The following ZFHX3 variants were observed in gnomAD, a reference collection of about 807,000 sequenced individuals.
ZFHX3 encodes zinc finger homeobox 3.
ZFHX3 carries 42 observed loss-of-function variants against 279.1 expected under a neutral mutation model. The ratio of observed to expected loss-of-function variants is 0.15; its 90% CI spans 0.12 to 0.19. The LOEUF (loss-of-function observed/expected upper bound fraction) is 0.19, where lower values mean the gene tolerates loss of function less well. Ranked by LOEUF, ZFHX3 falls within the 10% of genes least tolerant of loss-of-function variation. The pLI is 1.00. For synonymous variants in ZFHX3, 2,293 were observed against 1,957.8 expected (o/e 1.17, Z -4.52); for missense variants, 4,981 against 4,754.0 (o/e 1.05, Z -1.40).
chr16:73,241,790 CAAAAA>C (rs60214410), intron 5 of ZFHX3, among the ~76,000 whole-genome samples: 1 of 51,286 alleles, frequency 1.9e-5, no homozygotes, highest in Non-Finnish European at 3.4e-5. Flanking sequence ...AACTCCGTCT[CAAAAA>C]AAAAAAAAAA....
At chr16:73,177,970 T>C (rs11640612) in intron 5 of ZFHX3, among the ~76,000 whole-genome samples, 53,522 of 151,840 alleles carry the variant, frequency 0.35, 9,741 homozygotes, top group Middle Eastern at 0.41. Flanking sequence ...GAAAGACCCA[T>C]CAGTCGGGGC....
chr16:73,753,943 C>A (rs1394700929), intron 1 of ZFHX3, among the ~76,000 whole-genome samples: 2 of 147,188 alleles, frequency 1.4e-5, no homozygotes, highest in Non-Finnish European at 3.0e-5. Context: ...TCTTTATAGA[C>A]TATAACTGCT....
intron 1 of ZFHX3, among the ~76,000 whole-genome samples, chr16:73,888,889 G>A (rs897740413): frequency 9.2e-5 from 8 of 86,948 alleles, no homozygotes; most frequent in African/African-American, 3.6e-4. Flanking sequence ...CCCAACGCCC[G>A]CCCCCTACCA....
At chr16:73,619,699 C>T (rs2052339728) in intron 2 of ZFHX3, among the ~76,000 whole-genome samples, 1 of 151,864 alleles carries the variant, frequency 6.6e-6, no homozygotes, top group South Asian at 2.1e-4. Context: ...AGACATTCTT[C>T]CCTCCAGCTC....
Position 72,787,803 on chromosome 16 carries a change from G to A in ZFHX3, c.10473C>T (p.Gly3491=), listed in dbSNP as rs773073906. 1.1e-5 allele frequency: 17 copies of A among 1,613,454 alleles called. No individual in the cohort carries two copies. The highest frequency in any genetic ancestry group is 1.3e-5 in the Non-Finnish European group (15 of 1,179,800). The part of the protein sequence containing the change: ...RSHLKSLCFF[G]QSVVNLQEMV... ...TCTCTTGCAGGTTCACCACAGACTGGCCGAAGAAGCAGAGGGACTTCAGGT... is the reference window on the plus strand; with the variant it reads ...TCTCTTGCAGGTTCACCACAGACTGACCGAAGAAGCAGAGGGACTTCAGGT... The change falls in exon 10 of 10, where the codon GGC becomes GGT. Residue 3491 remains glycine, a synonymous_variant. Transcript: ENST00000268489.
intron 1 of ZFHX3, among the ~76,000 whole-genome samples, chr16:73,862,278 C>A (rs1295730240): frequency 1.3e-5 from 2 of 152,298 alleles, no homozygotes; most frequent in South Asian, 4.1e-4. Context: ...TAGGAGCTAC[C>A]ATATCCTTTA....
intron 1 of ZFHX3, among the ~76,000 whole-genome samples, chr16:73,026,595 T>C (rs1213619592): frequency 7.4e-6 from 1 of 135,228 alleles, no homozygotes; most frequent in African/African-American, 2.8e-5. Context: ...TACTTGAACC[T>C]GGGAGGTGGA....
intron 2 of ZFHX3, among the ~76,000 whole-genome samples, chr16:73,639,516 T>C (rs1191862134): frequency 6.6e-6 from 1 of 152,138 alleles, no homozygotes; most frequent in Non-Finnish European, 1.5e-5. Context: ...TTCATGAAAG[T>C]TAATATTAAA....
At chr16:72,927,135 CCTT>C (rs60162241) in intron 3 of ZFHX3, among the ~76,000 whole-genome samples, 2,961 of 152,286 alleles carry the variant, frequency 0.019, 85 homozygotes, top group African/African-American at 0.067. Flanking sequence ...GGTCTCCACT[CCTT>C]CTTCACTTGG....
At chr16:73,282,422 T>C (rs2014480713) in intron 4 of ZFHX3, among the ~76,000 whole-genome samples, 1 of 152,246 alleles carries the variant, frequency 6.6e-6, no homozygotes, top group Non-Finnish European at 1.5e-5. Context: ...AATTCTGTTA[T>C]CTCTTTGTTT....
At chr16:72,980,210 G>A (rs1307142728) in intron 1 of ZFHX3, among the ~76,000 whole-genome samples, 2 of 152,222 alleles carry the variant, frequency 1.3e-5, no homozygotes, top group Admixed American at 6.5e-5. Flanking sequence ...CACACTAACA[G>A]TGCCTTCCTC....
chr16:73,473,080 C>T (rs1029587615), intron 2 of ZFHX3, among the ~76,000 whole-genome samples: 1 of 150,994 alleles, frequency 6.6e-6, no homozygotes, highest in African/African-American at 2.4e-5. Flanking sequence ...GTGGCTCATG[C>T]CTCTATTCCC....
At chr16:73,290,712 T>A (rs1434746818) in intron 4 of ZFHX3, among the ~76,000 whole-genome samples, 1 of 152,184 alleles carries the variant, frequency 6.6e-6, no homozygotes, top group Non-Finnish European at 1.5e-5. Context: ...CCCTGGTGCT[T>A]TTTGGGTTTC....
At chr16:73,284,316 C>CAAAAAAA (rs71156152) in intron 4 of ZFHX3, among the ~76,000 whole-genome samples, 3 of 83,304 alleles carry the variant, frequency 3.6e-5, no homozygotes, top group South Asian at 4.3e-4. Flanking sequence ...GACTCTGTCT[C>CAAAAAAA]AAAAAAAAAA....
At chr16:73,234,660 G>C (rs1034028195) in intron 5 of ZFHX3, among the ~76,000 whole-genome samples, 1 of 152,226 alleles carries the variant, frequency 6.6e-6, no homozygotes, top group African/African-American at 2.4e-5. Flanking sequence ...GTGTGGCACA[G>C]ATCGGCCATG....
intron 3 of ZFHX3, among the ~76,000 whole-genome samples, chr16:73,349,654 C>CT (rs2016191939): frequency 7.1e-5 from 1 of 14,152 alleles, no homozygotes; most frequent in South Asian, 2.2e-3. Context: ...CCCTCTCTCC[C>CT]TCCTTCCCTC....
intron 1 of ZFHX3, among the ~76,000 whole-genome samples, chr16:73,758,903 G>A (rs767471494): frequency 2.0e-5 from 3 of 152,264 alleles, no homozygotes; most frequent in East Asian, 1.9e-4. Flanking sequence ...ATGCTGTAAG[G>A]CAGATACTAT....
At chr16:73,853,415 G>A (rs943341338) in intron 1 of ZFHX3, among the ~76,000 whole-genome samples, 10 of 152,174 alleles carry the variant, frequency 6.6e-5, no homozygotes, top group South Asian at 2.1e-4. Flanking sequence ...ATGGACCTAC[G>A]TGTTCATCAA....
intron 3 of ZFHX3, among the ~76,000 whole-genome samples, chr16:73,444,935 T>G: frequency 8.5e-6 from 1 of 117,936 alleles, no homozygotes; most frequent in South Asian, 2.7e-4. Flanking sequence ...CTGGCTAACA[T>G]GGTGAAACTC....
Sources: allele counts gnomAD v4.1 joint callset (sites outside exome capture counted in the v4.1 genomes callset), GRCh38; gene constraint gnomAD v4.1.1; transcripts MANE v1.5; gene names NCBI Gene and HGNC (gene_info 2026-07-23, HGNC 2026-07-21).